The following ROBO2 variants were observed in gnomAD, a reference collection of about 807,000 sequenced individuals.
ROBO2 encodes the protein roundabout guidance receptor 2.
Under a neutral mutation model 160.8 loss-of-function variants are expected in ROBO2, and 53 were observed. The ratio of observed to expected loss-of-function variants is 0.33; its 90% confidence interval spans 0.26 to 0.41. ROBO2 has a LOEUF of 0.41. ROBO2 is among the 10% of genes least tolerant of loss of function. ROBO2 has a pLI of 1.00. For synonymous variants in ROBO2, 664 were observed against 611.7 expected (o/e 1.09, Z -1.26); for missense variants, 1,577 against 1,722.4 (o/e 0.92, Z 1.49).
chr3:77,482,417 A>G (rs370892982), intron 4 of ROBO2, among the ~76,000 whole-genome samples: 1 of 152,068 alleles, frequency 6.6e-6, no homozygotes, highest in East Asian at 1.9e-4. Flanking sequence ...GACTTCCACT[A>G]TATTTCAAGA....
At chr3:77,208,020 G>A (rs1282810313) in intron 2 of ROBO2, among the ~76,000 whole-genome samples, 3 of 152,162 alleles carry the variant, frequency 2.0e-5, no homozygotes, top group Non-Finnish European at 4.4e-5. Flanking sequence ...CTCAGATAAA[G>A]GATCTATCCT....
chr3:77,313,492 T>C (rs1474006107), intron 2 of ROBO2, among the ~76,000 whole-genome samples: 1 of 152,178 alleles, frequency 6.6e-6, no homozygotes, highest in East Asian at 1.9e-4. Flanking sequence ...TGTAATTCTG[T>C]ATTCTTTCAC....
chr3:77,567,645 G>C (rs532859682), intron 12 of ROBO2, among the ~76,000 whole-genome samples: 1 of 152,076 alleles, frequency 6.6e-6, no homozygotes, highest in East Asian at 1.9e-4. Flanking sequence ...TCAGGTATTA[G>C]AGTACTGCTC....
At chr3:76,570,838 C>T (rs1043516183) in intron 2 of ROBO2, among the ~76,000 whole-genome samples, 1 of 152,124 alleles carries the variant, frequency 6.6e-6, no homozygotes, top group Admixed American at 6.6e-5. Context: ...AAGAAAATAT[C>T]TCTGTTGTAC....
intron 2 of ROBO2, among the ~76,000 whole-genome samples, chr3:76,005,861 A>T (rs2066007621): frequency 6.6e-6 from 1 of 152,232 alleles, no homozygotes; most frequent in African/African-American, 2.4e-5. Context: ...TGATGACACA[A>T]CCAAAAATAA....
chr3:76,077,430 G>A (rs1430408059), intron 2 of ROBO2, among the ~76,000 whole-genome samples: 1 of 152,116 alleles, frequency 6.6e-6, no homozygotes, highest in East Asian at 1.9e-4. Context: ...GTGTGTGGTG[G>A]CAGGCACCTG....
chr3:77,588,374 A>T (rs183394737), intron 16 of ROBO2, among the ~76,000 whole-genome samples: 175 of 152,248 alleles, frequency 1.1e-3, no homozygotes, highest in African/African-American at 4.1e-3. Flanking sequence ...CAAATACCCC[A>T]TGTTAAAAGT....
At chr3:76,125,729 A>C (rs568651635) in intron 2 of ROBO2, among the ~76,000 whole-genome samples, 1 of 152,204 alleles carries the variant, frequency 6.6e-6, no homozygotes, top group African/African-American at 2.4e-5. Context: ...GCAGCAACAG[A>C]TTCTGATTTT....
At chr3:77,538,118 C>CAA (rs111744386) in intron 6 of ROBO2, among the ~76,000 whole-genome samples, 70,609 of 144,746 alleles carry the variant, frequency 0.49, 17,579 homozygotes, top group African/African-American at 0.63. Context: ...CAATAAAAAA[C>CAA]AAAAAAAATA....
intron 2 of ROBO2, among the ~76,000 whole-genome samples, chr3:76,615,640 G>T (rs900097974): frequency 1.3e-5 from 2 of 152,062 alleles, no homozygotes; most frequent in African/African-American, 4.8e-5. Flanking sequence ...TGGAATATGT[G>T]GAATTCAGTC....
chr3:77,094,395 A>G (rs1396948534), intron 1 of ROBO2, among the ~76,000 whole-genome samples: 1 of 152,144 alleles, frequency 6.6e-6, no homozygotes. Context: ...TTCATCATGG[A>G]TATTTATGCT....
At chr3:77,430,356 G>C (rs1365842763) in intron 2 of ROBO2, among the ~76,000 whole-genome samples, 1 of 152,096 alleles carries the variant, frequency 6.6e-6, no homozygotes, top group South Asian at 2.1e-4. Flanking sequence ...GTGTGTGTTT[G>C]TGTGTTTTAG....
intron 2 of ROBO2, among the ~76,000 whole-genome samples, chr3:76,058,697 G>A (rs865816463): frequency 1.4e-5 from 2 of 139,866 alleles, no homozygotes. Flanking sequence ...TGTGCACAAC[G>A]TGCAGGTTTG....
At chr3:77,288,736 G>A (rs1011075845) in intron 2 of ROBO2, among the ~76,000 whole-genome samples, 2 of 151,986 alleles carry the variant, frequency 1.3e-5, no homozygotes, top group South Asian at 2.1e-4. Flanking sequence ...TTAGAGGATT[G>A]CATTCATATG....
At chr3:77,175,453 C>CTTAA (rs1277573315) in intron 2 of ROBO2, among the ~76,000 whole-genome samples, 1 of 151,902 alleles carries the variant, frequency 6.6e-6, no homozygotes, top group African/African-American at 2.4e-5. Context: ...AGAATTCTGA[C>CTTAA]TTAATTTAAT....
chr3:76,712,698 T>TA (rs1354233996), intron 2 of ROBO2, among the ~76,000 whole-genome samples: 2 of 151,270 alleles, frequency 1.3e-5, no homozygotes, highest in East Asian at 1.9e-4. Flanking sequence ...TAATAATAAT[T>TA]AAAAAAAATT....
intron 2 of ROBO2, among the ~76,000 whole-genome samples, chr3:77,127,927 T>C (rs879747259): frequency 6.6e-6 from 1 of 152,200 alleles, no homozygotes; most frequent in African/African-American, 2.4e-5. Flanking sequence ...CAAAGATTAC[T>C]TACTAGCTAT....
chr3:77,246,047 C>A (rs942529949), intron 2 of ROBO2, among the ~76,000 whole-genome samples: 1 of 152,116 alleles, frequency 6.6e-6, no homozygotes, highest in African/African-American at 2.4e-5. Context: ...GTTTAAATAA[C>A]ATGAACTTAA....
rs139543492 is a variant in ROBO2, at chr3:76,808,087, T to C, written c.110-289927T>C. Among the ~76,000 whole-genome samples, 285 of 152,250 alleles carry C rather than the reference T, an allele frequency of 1.9e-3. 1 individual carries two copies. The highest frequency in any genetic ancestry group is 6.6e-3 in the African/African-American group (276 of 41,582). ...CTGAATTATAATAAATATAATGTACTTGAAGGAGACTTCAAAGGATATGAT... is the reference window on the plus strand; with the variant it reads ...CTGAATTATAATAAATATAATGTACCTGAAGGAGACTTCAAAGGATATGAT... On this transcript the variant is annotated intron_variant, in intron 2 of 26. Transcript: ENST00000487694.
Sources: allele counts gnomAD v4.1 joint callset (sites outside exome capture counted in the v4.1 genomes callset), GRCh38; gene constraint gnomAD v4.1.1; transcripts MANE v1.5; gene names NCBI Gene and HGNC (gene_info 2026-07-23, HGNC 2026-07-21).